The following LPAR1 variants were observed in gnomAD, a reference collection of about 807,000 sequenced individuals.
The protein encoded by LPAR1 is lysophosphatidic acid receptor 1.
In LPAR1, 5 loss-of-function variants were observed where a neutral mutation model predicts 23.8. The observed-to-expected ratio is 0.21, with a 90% CI of 0.11 to 0.44. The LOEUF is 0.44. LPAR1 is among the 20% of genes least tolerant of loss of function. LPAR1 has a pLI of 0.99. For synonymous variants in LPAR1, 160 were observed against 164.7 expected (o/e 0.97, Z 0.22); for missense variants, 311 against 482.8 (o/e 0.64, Z 3.33).
chr9:111,033,302 A>G (rs371974071), intron 2 of LPAR1, among the ~76,000 whole-genome samples: 2 of 152,162 alleles, frequency 1.3e-5, no homozygotes, highest in African/African-American at 4.8e-5. Flanking sequence ...CTAACCTGCT[A>G]AAAAATGCCA....
chr9:110,904,927 C>G (rs930233968), intron 5 of LPAR1, among the ~76,000 whole-genome samples: 1 of 152,200 alleles, frequency 6.6e-6, no homozygotes. Flanking sequence ...CTCTCACAAA[C>G]CCCAGAGTAG....
chr9:110,890,671 C>T (rs1243451633), intron 5 of LPAR1, among the ~76,000 whole-genome samples: 5 of 152,268 alleles, frequency 3.3e-5, no homozygotes, highest in Admixed American at 6.5e-5. Flanking sequence ...CAGGAAGTAC[C>T]ACCTTTCTTT....
intron 2 of LPAR1, among the ~76,000 whole-genome samples, chr9:110,997,868 G>A (rs1223918144): frequency 6.6e-6 from 1 of 152,194 alleles, no homozygotes; most frequent in African/African-American, 2.4e-5. Context: ...ATAAGATGCT[G>A]TGCGAGAGAG....
chr9:111,002,984 TAAATA>T, intron 2 of LPAR1, among the ~76,000 whole-genome samples: 1 of 151,804 alleles, frequency 6.6e-6, no homozygotes, highest in Non-Finnish European at 1.5e-5. Context: ...ACAAAAAAAA[TAAATA>T]AATAAAATAT....
At chr9:110,880,313 A>G (rs1253134353) in intron 5 of LPAR1, among the ~76,000 whole-genome samples, 1 of 152,138 alleles carries the variant, frequency 6.6e-6, no homozygotes, top group Non-Finnish European at 1.5e-5. Flanking sequence ...TTTTGGAACA[A>G]CAGGTCACAG....
intron 5 of LPAR1, among the ~76,000 whole-genome samples, chr9:110,939,668 A>C (rs573168966): frequency 6.7e-6 from 1 of 149,666 alleles, no homozygotes; most frequent in South Asian, 2.2e-4. Flanking sequence ...GAGGCACAAA[A>C]GTATGTGAAT....
intron 2 of LPAR1, among the ~76,000 whole-genome samples, chr9:111,033,478 G>A (rs901565498): frequency 1.3e-5 from 2 of 152,160 alleles, no homozygotes; most frequent in Non-Finnish European, 2.9e-5. Context: ...AAAACAAACT[G>A]CTGGGAAGAT....
At chr9:110,892,289 GAGAA>G (rs1461008698) in intron 5 of LPAR1, among the ~76,000 whole-genome samples, 1 of 152,194 alleles carries the variant, frequency 6.6e-6, no homozygotes, top group Non-Finnish European at 1.5e-5. Context: ...GACAGAGAGA[GAGAA>G]TGAGGAAGAG....
At chr9:110,999,843 T>G (rs532802257) in intron 2 of LPAR1, among the ~76,000 whole-genome samples, 1 of 152,138 alleles carries the variant, frequency 6.6e-6, no homozygotes, top group East Asian at 1.9e-4. Flanking sequence ...AAGCTGAAAC[T>G]ACACGCACAC....
intron 5 of LPAR1, among the ~76,000 whole-genome samples, chr9:110,932,521 A>G (rs1009030714): frequency 6.6e-6 from 1 of 152,240 alleles, no homozygotes; most frequent in African/African-American, 2.4e-5. Flanking sequence ...GCTGATCAAA[A>G]GGAAACAGAA....
chr9:110,967,020 C>T (rs1008102451), intron 4 of LPAR1, among the ~76,000 whole-genome samples: 3 of 152,180 alleles, frequency 2.0e-5, no homozygotes, highest in Admixed American at 2.0e-4. Context: ...CCCCAATATC[C>T]ACAGGATACG....
intron 5 of LPAR1, among the ~76,000 whole-genome samples, chr9:110,886,184 G>C (rs1262302749): frequency 7.7e-6 from 1 of 129,810 alleles, no homozygotes; most frequent in Non-Finnish European, 1.6e-5. Flanking sequence ...AGCAACAAGA[G>C]CAAAAATCCA....
chr9:110,939,589 CAAATGTACACTGAAA>C (rs2094952205), intron 5 of LPAR1, among the ~76,000 whole-genome samples: 1 of 152,104 alleles, frequency 6.6e-6, no homozygotes. Flanking sequence ...GCATTTAGGG[CAAATGTACACTGAAA>C]CACTAGCTCC....
chr9:110,966,085 T>C (rs147284912), intron 4 of LPAR1, among the ~76,000 whole-genome samples: 2,055 of 151,996 alleles, frequency 0.014, 24 homozygotes, highest in Middle Eastern at 0.024. Flanking sequence ...TGAGAACACA[T>C]GGACACAGGG....
chr9:110,904,582 A>C (rs1472134118), intron 5 of LPAR1, among the ~76,000 whole-genome samples: 7 of 152,216 alleles, frequency 4.6e-5, no homozygotes, highest in African/African-American at 1.4e-4. Flanking sequence ...TATAAATAAA[A>C]GTATTAAGTT....
chr9:110,893,941 G>A (rs2085396243), intron 5 of LPAR1, among the ~76,000 whole-genome samples: 1 of 152,154 alleles, frequency 6.6e-6, no homozygotes, highest in African/African-American at 2.4e-5. Context: ...TGATATTGAT[G>A]TAGATAACCA....
intron 5 of LPAR1, among the ~76,000 whole-genome samples, chr9:110,916,908 C>CTT (rs78208410): frequency 8.8e-5 from 12 of 135,986 alleles, no homozygotes; most frequent in African/African-American, 1.3e-4. Flanking sequence ...AAAATAAAGT[C>CTT]TTTTTTTTTT....
At chr9:110,980,186 A>G (rs768366782) in intron 2 of LPAR1, among the ~76,000 whole-genome samples, 64 of 152,158 alleles carry the variant, frequency 4.2e-4, no homozygotes, top group Admixed American at 3.9e-4. Context: ...TGCACATGGT[A>G]CATCTATAAA....
Position 110,905,362 on chromosome 9 carries a change from T to G in LPAR1, c.794-29640A>C, listed in dbSNP as rs1363717914. Among the ~76,000 whole-genome samples, 7 of 151,508 alleles carry G rather than the reference T, an allele frequency of 4.6e-5. No individual in the cohort carries two copies. The East Asian group carries it at 7.7e-4, about 17-fold the overall frequency. On this transcript the variant is annotated intron_variant, in intron 5 of 5. Coordinates refer to ENST00000683809, the MANE Select transcript of LPAR1 (RefSeq NM_001351411.2). The stretch of plus-strand genomic sequence containing the variant: ...CTTTTTTTTATTATTTTTTTTTTTT[T>G]GCAGAAGGGGTCTCGCTCTATTACG...
Sources: allele counts gnomAD v4.1 joint callset (sites outside exome capture counted in the v4.1 genomes callset), GRCh38; gene constraint gnomAD v4.1.1; transcripts MANE v1.5; gene names NCBI Gene and HGNC (gene_info 2026-07-23, HGNC 2026-07-21).